The following BAIAP2 variants were observed in gnomAD, a reference collection of about 807,000 sequenced individuals.
The protein encoded by BAIAP2 is BAR/IMD domain containing adaptor protein 2.
Under a neutral mutation model 63.0 loss-of-function variants are expected in BAIAP2, and 18 were observed. That is an observed-to-expected ratio of 0.29 (90% CI 0.20 to 0.42). BAIAP2 has a LOEUF of 0.42. Among genes scored for constraint, BAIAP2 ranks in the 10% least tolerant of loss-of-function variants. BAIAP2 has a pLI of 1.00. For synonymous variants in BAIAP2, 386 were observed against 307.6 expected (o/e 1.25, Z -2.67); for missense variants, 610 against 734.3 (o/e 0.83, Z 1.96).
chr17:81,068,679 C>A (rs2051977033), intron 3 of BAIAP2, among the ~76,000 whole-genome samples: 1 of 152,186 alleles, frequency 6.6e-6, no homozygotes, highest in Non-Finnish European at 1.5e-5. Context: ...GGGAGGGTGC[C>A]CCCAAGCCTG....
At chr17:81,107,138 G>A (rs1410365644) in intron 12 of BAIAP2, 1 of 549,072 alleles carries the variant, frequency 1.8e-6, no homozygotes, top group Non-Finnish European at 3.1e-6. Flanking sequence ...TGGGGCTGGG[G>A]TCAGCCTGTC....
chr17:81,101,938 T>G (rs2058545524), intron 7 of BAIAP2, among the ~76,000 whole-genome samples: 1 of 152,214 alleles, frequency 6.6e-6, no homozygotes, highest in Non-Finnish European at 1.5e-5. Context: ...CTGCGCCCTC[T>G]GGCGGGGGCC....
At chr17:81,109,653 C>G in intron 13 of BAIAP2, 2 of 985,152 alleles carry the variant, frequency 2.0e-6, no homozygotes, top group South Asian at 4.7e-5. Context: ...GCCCGGGCAC[C>G]TGAGGGCTTC....
intron 2 of BAIAP2, among the ~76,000 whole-genome samples, chr17:81,055,122 T>C (rs2049259000): frequency 6.6e-6 from 1 of 152,122 alleles, no homozygotes; most frequent in Non-Finnish European, 1.5e-5. Flanking sequence ...ATGGGTTGGG[T>C]GGAGTTGGTT....
At chr17:81,036,106 C>G (rs1427326024) in intron 1 of BAIAP2, 1 of 152,304 alleles carries the variant, frequency 6.6e-6, no homozygotes, top group African/African-American at 2.4e-5. Context: ...CCCCTGCCGC[C>G]CCCTCCCCAG....
chr17:81,055,644 C>A (rs2049412525), intron 2 of BAIAP2, among the ~76,000 whole-genome samples: 4 of 145,268 alleles, frequency 2.8e-5, no homozygotes. Context: ...TGGCTCCCTG[C>A]AAACTCTGCC....
intron 7 of BAIAP2, 137 bp from the exon 8 acceptor site, chr17:81,103,365 G>A (rs995565516): frequency 4.9e-6 from 4 of 820,896 alleles, no homozygotes; most frequent in Non-Finnish European, 7.6e-6. Context: ...CGGGTGGCCT[G>A]TCTCGCCGAG....
chr17:81,053,513 C>A, intron 1 of BAIAP2, 155 bp from the exon 2 acceptor site: 2 of 746,944 alleles, frequency 2.7e-6, no homozygotes, highest in Non-Finnish European at 4.6e-6. Flanking sequence ...AGGGGCATGG[C>A]TGGGATTTGA....
intron 3 of BAIAP2, among the ~76,000 whole-genome samples, chr17:81,074,532 T>C (rs568193310): frequency 4.0e-5 from 6 of 150,996 alleles, no homozygotes; most frequent in African/African-American, 1.5e-4. Flanking sequence ...TGCCTGTGTG[T>C]GTGCACGTGC....
rs142944958 is a variant in BAIAP2 at position 81,104,991 on chromosome 17, C to G, written c.1268+276C>G. 2.6e-4 allele frequency: 103 copies of G among 395,792 alleles called. 2 individuals carry two copies. The East Asian group carries it at 4.4e-3, about 17-fold the overall frequency. The allele number at this position is 395,792 out of a possible 1,614,324, so 24.5% of individuals were successfully genotyped here. ...TCCCCCCAACAGCAGGGATCTCCCC[C>G]CAACGGCAGGGATCTCCCCCAATGG... On this transcript the variant is annotated intron_variant, in intron 10 of 13. Transcript: ENST00000428708.
chr17:81,057,653 G>T (rs760320891), intron 2 of BAIAP2: 8 of 1,336,590 alleles, frequency 6.0e-6, no homozygotes, highest in Non-Finnish European at 6.7e-6. Context: ...GAACTGGTAC[G>T]TTGTGTTCTT....
In BAIAP2 at chr17:81,046,937, C is replaced by T. The variant is rs1004767794; in HGVS notation, c.55-6731C>T. On this transcript the variant is annotated intron_variant, in intron 1 of 13. Transcript: ENST00000428708. This position sits in a 1 kb window ranked among gnomAD's most constrained non-coding sequence, Gnocchi z 4.5. ...CTGGGGGAAGCCCCTCTGGCACTGC[C>T]GGCCCCGCAGCTGCCACCGGCTTCT... Among the ~76,000 whole-genome samples the T allele has an allele frequency of 2.0e-5, 3 of 152,194 alleles. No individual in the cohort carries two copies. The highest frequency in any genetic ancestry group is 7.2e-5 in the African/African-American group (3 of 41,456).
intron 3 of BAIAP2, among the ~76,000 whole-genome samples, chr17:81,072,107 G>A (rs530991372): frequency 1.3e-5 from 2 of 152,328 alleles, no homozygotes; most frequent in African/African-American, 4.8e-5. Flanking sequence ...CGGGCTGTGG[G>A]TGCCGTGCCC....
intron 6 of BAIAP2, among the ~76,000 whole-genome samples, chr17:81,099,655 C>CT (rs1319779476): frequency 1.3e-5 from 2 of 152,122 alleles, no homozygotes; most frequent in Admixed American, 6.5e-5. Context: ...GAGCCTCCTG[C>CT]TGGAGGCAGG....
intron 6 of BAIAP2, chr17:81,098,270 G>A: frequency 1.7e-6 from 2 of 1,144,714 alleles, no homozygotes; most frequent in African/African-American, 1.6e-5. Context: ...GCACAGTCCG[G>A]GGCCTGGGAG....
At position 81,115,873 on chromosome 17, in the gene BAIAP2, T is replaced by G. The variant is rs759690340; in HGVS notation, c.*34T>G. 3.7e-6 allele frequency: 6 copies of G among 1,611,636 alleles called. No homozygotes were observed. In the Admixed American group the frequency reaches 6.7e-5, roughly 18 times the overall value. On this transcript the variant is annotated 3_prime_UTR_variant, in exon 14 of 14. Transcript: ENST00000428708. ...TCTGCAGTGCTGCCCATCTGGTGGC[T>G]TCCCCCGCCCTTCCCATGTAGCCTG... is the stretch of plus-strand genomic sequence containing the variant.
chr17:81,074,660 G>T (rs1401247610), intron 3 of BAIAP2, among the ~76,000 whole-genome samples: 2 of 149,774 alleles, frequency 1.3e-5, no homozygotes, highest in African/African-American at 4.9e-5. Flanking sequence ...CTCTGTGTCT[G>T]CGTGCACGGA....
chr17:81,114,425 G>A (rs1398534622), intron 13 of BAIAP2, among the ~76,000 whole-genome samples: 2 of 152,014 alleles, frequency 1.3e-5, no homozygotes, highest in Admixed American at 6.5e-5. Context: ...CCTCACCAGC[G>A]GGCCCCTAGG....
chr17:81,041,016 GC>G (rs2047003755), intron 1 of BAIAP2, among the ~76,000 whole-genome samples: 1 of 152,234 alleles, frequency 6.6e-6, no homozygotes, highest in African/African-American at 2.4e-5. Context: ...TCTGGCGGGG[GC>G]CCGTTTCTGC....
Sources: allele counts gnomAD v4.1 joint callset (sites outside exome capture counted in the v4.1 genomes callset), GRCh38; gene constraint gnomAD v4.1.1; non-coding constraint Gnocchi (gnomAD v3.1); transcripts MANE v1.5; gene names NCBI Gene and HGNC (gene_info 2026-07-23, HGNC 2026-07-21).